Variants in NUDT6 observed in about 807,000 individuals in gnomAD.
The protein encoded by NUDT6 is nudix hydrolase 6.
In NUDT6, 24 loss-of-function variants were observed where a neutral mutation model predicts 36.8. That is an observed-to-expected ratio of 0.65 (90% confidence interval 0.47 to 0.92). The LOEUF (loss-of-function observed/expected upper bound fraction) is 0.92. Among genes scored for constraint, NUDT6 ranks in the 40% least tolerant of loss-of-function variants. The pLI, the probability that NUDT6 is intolerant of heterozygous loss-of-function variation, is 0.00. For missense variants in NUDT6, 388 were observed against 392.8 expected (o/e 0.99, Z 0.10); for synonymous variants, 163 against 157.0 (o/e 1.04, Z -0.29).
Position 122,892,712 on chromosome 4 carries a change from T to C in NUDT6, c.*116A>G. The C allele has an allele frequency of 7.4e-7, 1 of 1,347,072 alleles. No homozygotes were observed. 83.4% of individuals were successfully genotyped at this position (1,347,072 alleles called of 1,614,324 possible). A position where few individuals can be genotyped will look rare whatever the true frequency, so the allele number is the denominator to read the frequency against. ...TGTGCATGTTTAGAAACAAAATTTC[T>C]TCATGGAAATCATATACATTAGAAA... On this transcript the variant is annotated 3_prime_UTR_variant, in exon 5 of 5. Coordinates refer to ENST00000304430, the MANE Select transcript of NUDT6 (RefSeq NM_007083.5).
At chr4:122,919,704 C>T (rs1447819692) in intron 1 of NUDT6, 1 of 152,202 alleles carries the variant, frequency 6.6e-6, no homozygotes, top group East Asian at 1.9e-4. Flanking sequence ...TCATATTCCA[C>T]ATCTTTGACC....
intron 1 of NUDT6, chr4:122,919,852 TTCCATGCATTTGCAATCC>T (rs1727930051): frequency 1.3e-5 from 2 of 152,248 alleles, no homozygotes; most frequent in African/African-American, 4.8e-5. Context: ...CTATTTAATA[TTCCATGCATTTGCAATCC>T]TCCAGGGTAA....
rs1728097049 is a variant in NUDT6, at chr4:122,922,480, G to A, written c.93C>T (p.Gly31=). The change falls in exon 1 of 5, where the codon GGC becomes GGT. Residue 31 remains glycine, a synonymous_variant. Coordinates refer to ENST00000304430, the MANE Select transcript of NUDT6 (RefSeq NM_007083.5). ...GPSAGYRWAS[G]AQGYVRNPPV... The stretch of plus-strand genomic sequence containing the variant: ...GCGGATTCCGCACGTAACCCTGTGC[G>A]CCCGAGGCCCAGCGGTAACCCGCCG... 1.2e-6 allele frequency: 2 copies of A among 1,611,426 alleles called. No homozygotes were observed. Among genetic ancestry groups the A allele is most frequent in the East Asian group, 4.5e-5 (2 of 44,836 alleles).
chr4:122,916,786 T>C (rs1727853077), intron 2 of NUDT6, among the ~76,000 whole-genome samples: 1 of 152,190 alleles, frequency 6.6e-6, no homozygotes, highest in East Asian at 1.9e-4. Context: ...AGGTCAACCA[T>C]AGTCTCGAAG....
intron 3 of NUDT6, 109 bp from the exon 4 acceptor site, chr4:122,897,787 T>C: frequency 1.3e-6 from 1 of 765,876 alleles, no homozygotes; most frequent in South Asian, 1.7e-5. Flanking sequence ...AGAATATATT[T>C]TTTAGTAATT....
chr4:122,900,721 A>G (rs1215307339), intron 3 of NUDT6, among the ~76,000 whole-genome samples: 2 of 152,014 alleles, frequency 1.3e-5, no homozygotes, highest in African/African-American at 4.8e-5. Context: ...CCTGGGACCT[A>G]ATTGGAACAT....
chr4:122,902,040 T>G (rs971544117), intron 3 of NUDT6, among the ~76,000 whole-genome samples: 1 of 152,214 alleles, frequency 6.6e-6, no homozygotes, highest in Non-Finnish European at 1.5e-5. Flanking sequence ...TCTTTTATTT[T>G]TCATTGTTCT....
chr4:122,913,827 C>T (rs1727777919), intron 2 of NUDT6, among the ~76,000 whole-genome samples: 2 of 151,894 alleles, frequency 1.3e-5, no homozygotes, highest in East Asian at 1.9e-4. Context: ...ATACAAATGA[C>T]GTATTAGTGA....
intron 3 of NUDT6, among the ~76,000 whole-genome samples, chr4:122,908,741 G>A (rs560518811): frequency 6.6e-6 from 1 of 152,156 alleles, no homozygotes; most frequent in South Asian, 2.1e-4. Context: ...TTAATAAAAT[G>A]GCATTCTGAT....
intron 4 of NUDT6, chr4:122,893,972 T>C (rs1441978358): frequency 6.6e-6 from 1 of 152,206 alleles, no homozygotes; most frequent in African/African-American, 2.4e-5. Flanking sequence ...TTTGCCTCTA[T>C]TTTTCTTGTT....
At chr4:122,903,521 T>C (rs1171487235) in intron 3 of NUDT6, among the ~76,000 whole-genome samples, 2 of 152,180 alleles carry the variant, frequency 1.3e-5, no homozygotes, top group Non-Finnish European at 2.9e-5. Flanking sequence ...AGATCTGGGG[T>C]GGGGCCTGAG....
intron 3 of NUDT6, among the ~76,000 whole-genome samples, chr4:122,899,060 T>TTTTTTTTTTTTTTTTTTTTTTTTTTTTTG (rs70955079): frequency 6.9e-6 from 1 of 145,032 alleles, no homozygotes; most frequent in Non-Finnish European, 1.5e-5. Context: ...TTTTTTTTTT[T>TTTTTTTTTTTTTTTTTTTTTTTTTTTTTG]AGAGATGAGA....
In NUDT6 at chr4:122,897,646, C is replaced by G; in HGVS notation, c.531G>C (p.Leu177=). ...CACCAATATCTTCTTCAGGCTCTGACAGGCCTCCTGGAAACTTCCACATAT... is the reference window on the plus strand; with the variant it reads ...CACCAATATCTTCTTCAGGCTCTGAGAGGCCTCCTGGAAACTTCCACATAT... The part of the protein sequence containing the change: ...LKNMWKFPGG[L]SEPEEDIGDT... The change falls in exon 4 of 5, where the codon CTG becomes CTC. Residue 177 remains leucine (L), a synonymous_variant. Coordinates refer to ENST00000304430, the MANE Select transcript of NUDT6 (RefSeq NM_007083.5). 1.2e-6 allele frequency: 2 copies of G among 1,610,586 alleles called. No homozygotes were observed. Among genetic ancestry groups the G allele is most frequent in the Non-Finnish European group, 1.7e-6 (2 of 1,176,900 alleles).
intron 3 of NUDT6, among the ~76,000 whole-genome samples, chr4:122,910,953 A>G (rs541414060): frequency 1.7e-3 from 260 of 152,322 alleles, no homozygotes; most frequent in Middle Eastern, 0.014. Context: ...AATTAAAGGG[A>G]TATACTTAGA....
At chr4:122,907,695 C>T (rs1255512938) in intron 3 of NUDT6, among the ~76,000 whole-genome samples, 10 of 151,612 alleles carry the variant, frequency 6.6e-5, no homozygotes, top group South Asian at 2.1e-4. Context: ...GTGATCTGCC[C>T]GCCTCGGCCT....
At chr4:122,922,730 C>T (rs185210144), upstream of NUDT6, 43 of 651,854 alleles carry the variant, frequency 6.6e-5, no homozygotes, top group Non-Finnish European at 1.1e-4. Context: ...CGAAGTGGTC[C>T]ACCAGCCCTT....
At chr4:122,921,928 C>T (rs1322588986) in intron 1 of NUDT6, 1 of 174,582 alleles carries the variant, frequency 5.7e-6, no homozygotes, top group Non-Finnish European at 1.2e-5. Context: ...TATTAACAAA[C>T]ATCTACTGAG....
chr4:122,898,694 G>C (rs944631625), intron 3 of NUDT6, among the ~76,000 whole-genome samples: 1 of 152,102 alleles, frequency 6.6e-6, no homozygotes, highest in Admixed American at 6.5e-5. Context: ...CAGTGTCTGG[G>C]CTAGGCTTGA....
intron 1 of NUDT6, 84 bp downstream of exon 1, chr4:122,922,251 A>T (rs774481493): frequency 4.4e-5 from 53 of 1,210,042 alleles, no homozygotes; most frequent in Non-Finnish European, 5.9e-5. Context: ...AGTGGTGCAC[A>T]GAGCGACTAG....
Sources: allele counts gnomAD v4.1 joint callset (sites outside exome capture counted in the v4.1 genomes callset), GRCh38; gene constraint gnomAD v4.1.1; transcripts MANE v1.5; gene names NCBI Gene and HGNC (gene_info 2026-07-23, HGNC 2026-07-21).